Variants in WDR41 observed in about 807,000 individuals in gnomAD.
WDR41 encodes the protein WD repeat-containing protein 41.
Under a neutral mutation model 69.3 loss-of-function variants are expected in WDR41, and 63 were observed. That is an observed-to-expected ratio of 0.91 (90% CI 0.74 to 1.12). WDR41 has a LOEUF of 1.12. WDR41 is among the 50% of genes most tolerant of loss of function. WDR41 has a pLI of 0.00. For synonymous variants in WDR41, 185 were observed against 192.1 expected (o/e 0.96, Z 0.31); for missense variants, 543 against 534.5 (o/e 1.02, Z -0.16).
In WDR41 at chr5:77,610,741, C is replaced by T. The variant is rs570419722; in HGVS notation, c.42+9738G>A. ...GACCATCAAGACTAGGAAGAAACTG[C>T]ATCAACTAACGAGCAAAATCACCAG... On this transcript the variant is annotated intron_variant, in intron 1 of 5. Coordinates refer to the WDR41 transcript ENST00000509971. Among the ~76,000 whole-genome samples the T allele has an allele frequency of 3.3e-5, 5 of 152,282 alleles. No individual in the cohort carries two copies. In the South Asian group the frequency reaches 6.2e-4, roughly 19 times the overall value.
chr5:77,463,229 GA>G lies in WDR41; in HGVS notation c.217-4del. 6.2e-7 allele frequency: 1 copy of G among 1,600,782 alleles called. No individual in the cohort carries two copies. The highest frequency in any genetic ancestry group is 8.5e-7 in the Non-Finnish European group (1 of 1,175,528). ...AGTTCTAAAAGTTTTTCCCCTGTCTGAAATACCAATAAAAATGTTAATAGGC... is the reference window on the plus strand; with the variant it reads ...AGTTCTAAAAGTTTTTCCCCTGTCTGAATACCAATAAAAATGTTAATAGGC... On this transcript the variant is annotated splice_region_variant and splice_polypyrimidine_tract_variant and intron_variant, in intron 3 of 12. Coordinates refer to ENST00000296679, the MANE Select transcript of WDR41 (RefSeq NM_018268.4).
chr5:77,457,339 T>C (rs1799875999), intron 5 of WDR41, among the ~76,000 whole-genome samples: 1 of 152,200 alleles, frequency 6.6e-6, no homozygotes, highest in African/African-American at 2.4e-5. Flanking sequence ...TTTTGTTACT[T>C]AACATTTTAC....
At chr5:77,464,255 T>C (rs2127394) in intron 3 of WDR41, among the ~76,000 whole-genome samples, 10,626 of 150,296 alleles carry the variant, frequency 0.071, 787 homozygotes, top group East Asian at 0.26. Flanking sequence ...TACTTTGGCA[T>C]TTGTTTCTTA....
intron 1 of WDR41, among the ~76,000 whole-genome samples, chr5:77,526,002 TC>T (rs1802440823): frequency 6.6e-6 from 1 of 152,128 alleles, no homozygotes; most frequent in Admixed American, 6.5e-5. Context: ...TAAAATTTTA[TC>T]CATCATGAAA....
intron 5 of WDR41, among the ~76,000 whole-genome samples, chr5:77,458,525 A>G (rs1561741602): frequency 1.3e-5 from 2 of 152,158 alleles, no homozygotes; most frequent in African/African-American, 4.8e-5. Flanking sequence ...AGTCTTATCT[A>G]TGTTTGTTTC....
At chr5:77,612,010 A>T (rs1275604155) in intron 1 of WDR41, among the ~76,000 whole-genome samples, 9 of 152,206 alleles carry the variant, frequency 5.9e-5, no homozygotes, top group African/African-American at 1.9e-4. Context: ...AATACTACAA[A>T]CACCTCTATG....
rs1212938336 is a variant in WDR41 at position 77,477,629 on chromosome 5, G to A, written c.167+11828C>T. ...TAAAGATGTTCTTTGAAACCAACGA[G>A]AACAAAGACACAACATATCAGAATC... On this transcript the variant is annotated intron_variant, in intron 2 of 12. Transcript: ENST00000296679. Among the ~76,000 whole-genome samples the A allele has an allele frequency of 6.3e-4, 54 of 85,254 alleles. 14 individuals are homozygous for A. Among genetic ancestry groups the A allele is most frequent in the Non-Finnish European group, 8.2e-4 (41 of 50,060 alleles). The allele number at this position is 85,254 out of a possible 152,430, so 55.9% of individuals were successfully genotyped here.
At chr5:77,536,013 C>G (rs778524529) in intron 1 of WDR41, among the ~76,000 whole-genome samples, 3 of 152,172 alleles carry the variant, frequency 2.0e-5, no homozygotes, top group Non-Finnish European at 4.4e-5. Context: ...TCATCAAAGT[C>G]TGAGCCAAAG....
intron 2 of WDR41, among the ~76,000 whole-genome samples, chr5:77,479,601 G>A (rs1300046855): frequency 6.6e-6 from 1 of 152,132 alleles, no homozygotes; most frequent in South Asian, 2.1e-4. Flanking sequence ...AAATGGTGCT[G>A]GGAAAACTGG....
chr5:77,607,220 G>C (rs969604354), intron 1 of WDR41, among the ~76,000 whole-genome samples: 1 of 152,134 alleles, frequency 6.6e-6, no homozygotes, highest in Non-Finnish European at 1.5e-5. Flanking sequence ...TGAAGGTAAG[G>C]CTATCAACAC....
intron 1 of WDR41, among the ~76,000 whole-genome samples, chr5:77,575,296 A>G (rs1743810657): frequency 6.6e-6 from 1 of 152,236 alleles, no homozygotes; most frequent in African/African-American, 2.4e-5. Context: ...GAAATAGGAA[A>G]GAACTTTGCA....
chr5:77,592,689 A>C (rs977751548), intron 1 of WDR41, among the ~76,000 whole-genome samples: 2 of 152,174 alleles, frequency 1.3e-5, no homozygotes, highest in Non-Finnish European at 2.9e-5. Context: ...CTTTCAGTGT[A>C]GTTGGAATAA....
Position 77,435,070 on chromosome 5 carries a change from G to T in WDR41, c.1227+1191C>A, listed in dbSNP as rs184856405. ...AACCCAGCGCTCCGGCCTAGCCAAG[G>T]TGCTCCTTGCCACCACGTAAATGCT... On this transcript the variant is annotated intron_variant, in intron 12 of 12. Coordinates refer to ENST00000296679, the MANE Select transcript of WDR41 (RefSeq NM_018268.4). 4.6e-5 allele frequency among the ~76,000 whole-genome samples: 7 copies of T among 152,198 alleles called. No individual in the cohort carries two copies. The East Asian group carries it at 1.4e-3, about 29-fold the overall frequency.
chr5:77,518,481 G>A (rs751879422), intron 1 of WDR41, among the ~76,000 whole-genome samples: 9 of 152,056 alleles, frequency 5.9e-5, no homozygotes, highest in Non-Finnish European at 7.4e-5. Flanking sequence ...TTATCCTATA[G>A]GATTATCAGT....
At chr5:77,485,628 A>T (rs1801481771) in intron 2 of WDR41, among the ~76,000 whole-genome samples, 1 of 152,202 alleles carries the variant, frequency 6.6e-6, no homozygotes, top group Admixed American at 6.5e-5. Flanking sequence ...AATGTGTCAA[A>T]CGCTAGAGTA....
intron 8 of WDR41, 67 bp from the exon 9 acceptor site, chr5:77,441,064 A>G: frequency 6.5e-7 from 1 of 1,540,860 alleles, no homozygotes; most frequent in Non-Finnish European, 8.8e-7. Flanking sequence ...ACTGAATGGA[A>G]TGTCTAGTAG....
intron 2 of WDR41, among the ~76,000 whole-genome samples, chr5:77,489,105 C>T (rs1801651106): frequency 6.6e-6 from 1 of 152,160 alleles, no homozygotes; most frequent in African/African-American, 2.4e-5. Flanking sequence ...TACTTAAACA[C>T]TTAGCATATT....
intron 1 of WDR41, 49 bp downstream of exon 1, chr5:77,492,120 GC>G (rs35635370): frequency 6.3e-7 from 1 of 1,596,716 alleles, no homozygotes; most frequent in East Asian, 2.3e-5. Context: ...GAACGAAGCC[GC>G]CCCTCCAGCA....
At chr5:77,590,262 G>A (rs1035122660) in intron 1 of WDR41, among the ~76,000 whole-genome samples, 1 of 152,144 alleles carries the variant, frequency 6.6e-6, no homozygotes, top group African/African-American at 2.4e-5. Context: ...ACAACTATGT[G>A]TATCTGTTTT....
Sources: gnomAD v4.1 joint callset for allele counts (sites outside exome capture counted in the v4.1 genomes callset) on GRCh38, gnomAD v4.1.1 for gene constraint, MANE v1.5 for transcripts, NCBI Gene and HGNC (gene_info 2026-07-23, HGNC 2026-07-21) for gene names.